SORBS2: variants seen among roughly 807,000 people sequenced by gnomAD.
SORBS2 encodes the protein sorbin and SH3 domain containing 2.
Under a neutral mutation model 97.7 loss-of-function variants are expected in SORBS2, and 46 were observed. That is an observed-to-expected ratio of 0.47 (90% CI 0.37 to 0.60). The LOEUF (loss-of-function observed/expected upper bound fraction) is 0.60. SORBS2 is among the 20% of genes least tolerant of loss of function. The pLI is 0.00. For synonymous variants in SORBS2, 476 were observed against 473.4 expected, an observed-to-expected ratio of 1.01 and a Z score of -0.07; for missense variants, 1,316 against 1,282.3, an observed-to-expected ratio of 1.03 and a Z score of -0.40.
chr4:185,690,490 A>G, intron 2 of SORBS2, 72 bp downstream of exon 4: 1 of 936,386 alleles, frequency 1.1e-6, no homozygotes, highest in Admixed American at 2.4e-5. Flanking sequence ...AGAGTGCTAA[A>G]CTAATGATTT....
chr4:185,928,212 C>T (rs1183410057), intron 1 of SORBS2, among the ~76,000 whole-genome samples: 1 of 152,018 alleles, frequency 6.6e-6, no homozygotes, highest in Non-Finnish European at 1.5e-5. Context: ...TCAATACCAG[C>T]CTGGGCAACA....
chr4:185,772,851 G>A (rs2098979349), intron 2 of SORBS2: 4 of 152,164 alleles, frequency 2.6e-5, no homozygotes, highest in Admixed American at 2.0e-4. Flanking sequence ...ACCTGGCCTT[G>A]GGTTATGTTT....
chr4:185,798,595 T>C (rs927974632), intron 1 of SORBS2, among the ~76,000 whole-genome samples: 4 of 152,238 alleles, frequency 2.6e-5, no homozygotes, highest in Admixed American at 6.5e-5. Flanking sequence ...GATCTTTCTT[T>C]GCAGAGTGAC....
chr4:185,909,915 C>T (rs963023306), intron 1 of SORBS2, among the ~76,000 whole-genome samples: 6 of 144,984 alleles, frequency 4.1e-5, no homozygotes, highest in East Asian at 4.1e-4. Flanking sequence ...ACCCGGGAGG[C>T]GGAGGTTGAA....
chr4:185,886,554 C>CAAAAAAAAAA (rs1198439527), intron 1 of SORBS2, among the ~76,000 whole-genome samples: 1 of 72,910 alleles, frequency 1.4e-5, no homozygotes. Context: ...GACTCTGTCT[C>CAAAAAAAAAA]AAAAAAAAAA....
chr4:185,827,327 T>A (rs201806919), intron 1 of SORBS2, among the ~76,000 whole-genome samples: 402 of 11,074 alleles, frequency 0.036, 2 homozygotes, highest in African/African-American at 0.18. Context: ...ATCACCATCA[T>A]CATCATCATC....
At chr4:185,854,999 A>C (rs1329384573) in intron 1 of SORBS2, among the ~76,000 whole-genome samples, 1 of 152,192 alleles carries the variant, frequency 6.6e-6, no homozygotes, top group Non-Finnish European at 1.5e-5. Flanking sequence ...CATAAAGACA[A>C]TAATCTCGTT....
At chr4:185,649,428 T>C (rs1463250724) in intron 3 of SORBS2, 39 bp downstream of exon 12, 3 of 1,493,468 alleles carry the variant, frequency 2.0e-6, no homozygotes, top group Non-Finnish European at 2.7e-6. Flanking sequence ...ATTTTTATCC[T>C]AAGCGAAACA....
chr4:185,786,787 C>A (rs1350155537), intron 1 of SORBS2, among the ~76,000 whole-genome samples: 1 of 152,106 alleles, frequency 6.6e-6, no homozygotes, highest in Non-Finnish European at 1.5e-5. Context: ...CATGGTGACA[C>A]CCTGTCTCTA....
In SORBS2 at chr4:185,662,253, C is replaced by T. The variant is rs200803038; in HGVS notation, c.-45-11G>A. On this transcript the variant is annotated splice_polypyrimidine_tract_variant and intron_variant, in intron 4 of 20. Coordinates refer to the SORBS2 transcript ENST00000284776. ...CACTGTTATCTGGCTCTGAGAAAAG[C>T]GCAAAGGCATCGAGTTAAATTAGCA... 46 of 1,595,490 alleles carry T rather than the reference C, an allele frequency of 2.9e-5. No individual in the cohort carries two copies. The highest frequency in any genetic ancestry group is 3.5e-5 in the Admixed American group (2 of 56,908).
intron 2 of SORBS2, among the ~76,000 whole-genome samples, chr4:185,752,062 C>A (rs942394775): frequency 6.6e-6 from 1 of 152,076 alleles, no homozygotes; most frequent in African/African-American, 2.4e-5. Flanking sequence ...ATCCCACAAC[C>A]TGGCTCCAGA....
intron 1 of SORBS2, among the ~76,000 whole-genome samples, chr4:185,896,566 A>C (rs2099245147): frequency 6.6e-6 from 1 of 152,228 alleles, no homozygotes; most frequent in Admixed American, 6.5e-5. Context: ...CCTGGGTGAC[A>C]AGAGCAAAGC....
intron 1 of SORBS2, among the ~76,000 whole-genome samples, chr4:185,886,208 G>A (rs2099239363): frequency 6.6e-6 from 1 of 152,142 alleles, no homozygotes; most frequent in South Asian, 2.1e-4. Flanking sequence ...TCTTATGAAA[G>A]GAAATGTGAG....
At position 185,903,981 on chromosome 4, in the gene SORBS2, C is replaced by A. The variant is rs548035177; in HGVS notation, c.-338+52215G>T. 8.2e-4 allele frequency among the ~76,000 whole-genome samples: 125 copies of A among 152,232 alleles called. 1 individual carries two copies. The highest frequency in any genetic ancestry group is 2.8e-3 in the African/African-American group (118 of 41,538). ...TTGCCCTCCAAGAATACTTATACAG[C>A]AAAAATACCCATTCCTCTGGAAATT... On this transcript the variant is annotated intron_variant, in intron 1 of 20. Transcript: ENST00000284776.
At chr4:185,660,470 A>G (rs2097498691), upstream of SORBS2, among the ~76,000 whole-genome samples, 1 of 152,238 alleles carries the variant, frequency 6.6e-6, no homozygotes, top group South Asian at 2.1e-4. Flanking sequence ...CTAAAAGGAC[A>G]TCATTGTAGG....
At chr4:185,897,055 T>C (rs2099245402) in intron 1 of SORBS2, among the ~76,000 whole-genome samples, 1 of 152,164 alleles carries the variant, frequency 6.6e-6, no homozygotes, top group African/African-American at 2.4e-5. Flanking sequence ...AGAGCTTCTC[T>C]CTGCTCACTT....
intron 2 of SORBS2, among the ~76,000 whole-genome samples, chr4:185,753,510 G>A (rs1375392358): frequency 6.6e-6 from 1 of 152,080 alleles, no homozygotes; most frequent in Non-Finnish European, 1.5e-5. Context: ...TTTGGAATTC[G>A]ATTAAACAGG....
intron 1 of SORBS2, among the ~76,000 whole-genome samples, chr4:185,836,778 A>C (rs2099208340): frequency 6.6e-6 from 1 of 152,234 alleles, no homozygotes; most frequent in Non-Finnish European, 1.5e-5. Context: ...TTATAGAAAA[A>C]TGTTCTTTTG....
upstream of SORBS2, chr4:185,656,986 C>T (rs191166692): frequency 8.6e-5 from 92 of 1,075,708 alleles, no homozygotes; most frequent in East Asian, 4.1e-3. Context: ...TCCAATCTCC[C>T]GGTGTTAACA....
Sources: allele counts gnomAD v4.1 joint callset (sites outside exome capture counted in the v4.1 genomes callset), GRCh38; gene constraint gnomAD v4.1.1; transcripts MANE v1.5; gene names NCBI Gene and HGNC (gene_info 2026-07-23, HGNC 2026-07-21).